The following DLGAP2 variants were observed in gnomAD, a reference collection of about 807,000 sequenced individuals.
DLGAP2 encodes the protein disks large-associated protein 2.
DLGAP2 carries 26 observed loss-of-function variants against 100.3 expected under a neutral mutation model. The ratio of observed to expected loss-of-function variants is 0.26; its 90% CI spans 0.19 to 0.36. The LOEUF (loss-of-function observed/expected upper bound fraction) is 0.36, where lower values mean the gene tolerates loss of function less well. Among genes scored for constraint, DLGAP2 ranks in the 10% least tolerant of loss-of-function variants. The pLI is 1.00. For synonymous variants in DLGAP2, 886 were observed against 630.1 expected, an observed-to-expected ratio of 1.41 and a Z score of -6.08; for missense variants, 1,858 against 1,453.2, an observed-to-expected ratio of 1.28 and a Z score of -4.53.
intron 1 of DLGAP2, among the ~76,000 whole-genome samples, chr8:810,972 C>T (rs186953062): frequency 5.4e-4 from 82 of 152,216 alleles, no homozygotes; most frequent in Admixed American, 4.6e-4. Flanking sequence ...GAAGAGCGTA[C>T]GGCGGGGTGA....
chr8:1,551,444 A>G (rs2130526147), intron 5 of DLGAP2, among the ~76,000 whole-genome samples: 1 of 151,428 alleles, frequency 6.6e-6, no homozygotes, highest in East Asian at 2.0e-4. Flanking sequence ...AATGCCTGCC[A>G]CTCTCCCCAA....
chr8:786,508 G>C (rs1821871899), intron 1 of DLGAP2, among the ~76,000 whole-genome samples: 1 of 152,192 alleles, frequency 6.6e-6, no homozygotes, highest in East Asian at 1.9e-4. Context: ...AGTGTAAAAA[G>C]CTTGAAGCAG....
At chr8:883,504 C>G (rs1310181573) in intron 1 of DLGAP2, among the ~76,000 whole-genome samples, 1 of 151,344 alleles carries the variant, frequency 6.6e-6, no homozygotes, top group Non-Finnish European at 1.5e-5. Flanking sequence ...TTTTTTTTCC[C>G]TTAATTTCTT....
chr8:787,104 C>G (rs1021723290), intron 1 of DLGAP2, among the ~76,000 whole-genome samples: 12 of 152,180 alleles, frequency 7.9e-5, no homozygotes, highest in African/African-American at 2.9e-4. Flanking sequence ...ACTGACGATG[C>G]TTTATTCAAT....
chr8:783,747 C>T (rs1364048533), intron 1 of DLGAP2, among the ~76,000 whole-genome samples: 1 of 152,194 alleles, frequency 6.6e-6, no homozygotes, highest in East Asian at 1.9e-4. Flanking sequence ...AAGGTGTACC[C>T]TCCCACCACA....
chr8:1,548,158 C>T (rs183922072), intron 4 of DLGAP2, among the ~76,000 whole-genome samples: 27 of 152,114 alleles, frequency 1.8e-4, no homozygotes, highest in African/African-American at 6.3e-4. Flanking sequence ...TCACACTTTG[C>T]GATATAAAAA....
chr8:1,160,354 C>T (rs1003836910), intron 2 of DLGAP2, among the ~76,000 whole-genome samples: 1 of 152,136 alleles, frequency 6.6e-6, no homozygotes, highest in Non-Finnish European at 1.5e-5. Flanking sequence ...CAGCCCCGCC[C>T]CAAACTCGGG....
chr8:1,560,265 T>C (rs1802114538), intron 5 of DLGAP2, among the ~76,000 whole-genome samples: 1 of 152,176 alleles, frequency 6.6e-6, no homozygotes, highest in African/African-American at 2.4e-5. Context: ...GCTTTAAAAA[T>C]TGCTTTTCCC....
chr8:1,439,578 C>G (rs1320712435), intron 3 of DLGAP2, among the ~76,000 whole-genome samples: 1 of 152,180 alleles, frequency 6.6e-6, no homozygotes, highest in Non-Finnish European at 1.5e-5. Flanking sequence ...GCAACACGGT[C>G]TCCAGTCACT....
At chr8:1,605,051 C>T (rs1425166481) in intron 6 of DLGAP2, among the ~76,000 whole-genome samples, 1 of 152,170 alleles carries the variant, frequency 6.6e-6, no homozygotes, top group African/African-American at 2.4e-5. Context: ...CGGGGCACAC[C>T]ACCCTGCAGC....
intron 3 of DLGAP2, among the ~76,000 whole-genome samples, chr8:1,487,930 C>G (rs1799271908): frequency 6.6e-6 from 1 of 152,224 alleles, no homozygotes; most frequent in Non-Finnish European, 1.5e-5. Flanking sequence ...CAGATTATCC[C>G]TCTAAACATC....
chr8:947,065 G>A (rs1159186517), intron 2 of DLGAP2, among the ~76,000 whole-genome samples: 2 of 152,208 alleles, frequency 1.3e-5, no homozygotes, highest in African/African-American at 4.8e-5. Context: ...CGCCTCCCAA[G>A]AGAGACTTTC....
intron 1 of DLGAP2, among the ~76,000 whole-genome samples, chr8:861,726 C>G (rs894243442): frequency 6.6e-6 from 1 of 152,224 alleles, no homozygotes; most frequent in Non-Finnish European, 1.5e-5. Flanking sequence ...GGCGAGGCCT[C>G]CGTTCCTACT....
intron 2 of DLGAP2, among the ~76,000 whole-genome samples, chr8:990,350 TCC>T (rs1491399985): frequency 1.5e-5 from 2 of 135,122 alleles, no homozygotes; most frequent in African/African-American, 5.8e-5. Context: ...TGTTCTTCTC[TCC>T]CTCCTTGCCC....
At chr8:1,350,349 A>T (rs79071953) in intron 3 of DLGAP2, among the ~76,000 whole-genome samples, 18 of 37,024 alleles carry the variant, frequency 4.9e-4, no homozygotes, top group South Asian at 1.4e-3. Flanking sequence ...GGGTCCTGAC[A>T]GTGTGTGGAA....
At chr8:1,340,028 G>A (rs954808553) in intron 3 of DLGAP2, among the ~76,000 whole-genome samples, 14 of 152,146 alleles carry the variant, frequency 9.2e-5, no homozygotes, top group African/African-American at 3.1e-4. Context: ...ATGGTACTGG[G>A]AGAACTGGCA....
intron 5 of DLGAP2, among the ~76,000 whole-genome samples, chr8:1,553,751 C>T (rs1339569025): frequency 6.6e-6 from 1 of 152,098 alleles, no homozygotes; most frequent in Admixed American, 6.5e-5. Flanking sequence ...TCACCGAGTT[C>T]TGAGCTTTCC....
intron 8 of DLGAP2, among the ~76,000 whole-genome samples, chr8:1,640,860 A>G (rs759794697): frequency 1.3e-5 from 2 of 152,238 alleles, no homozygotes; most frequent in African/African-American, 4.8e-5. Flanking sequence ...TGTGATTTTC[A>G]TTGTCTTTGA....
chr8:1,268,513 CA>C (rs1459341961), intron 3 of DLGAP2, among the ~76,000 whole-genome samples: 1 of 152,190 alleles, frequency 6.6e-6, no homozygotes, highest in Non-Finnish European at 1.5e-5. Flanking sequence ...ATCTCCAAAG[CA>C]GGAACTTTGT....
Sources: gnomAD v4.1 joint callset for allele counts (sites outside exome capture counted in the v4.1 genomes callset) on GRCh38, gnomAD v4.1.1 for gene constraint, MANE v1.5 for transcripts, NCBI Gene and HGNC (gene_info 2026-07-23, HGNC 2026-07-21) for gene names.